Variants in XIRP2 observed in about 807,000 individuals in gnomAD.
XIRP2 encodes the protein xin actin binding repeat containing 2, also known as xin actin-binding repeat-containing protein 2.
Under a neutral mutation model 277.0 loss-of-function variants are expected in XIRP2, and 236 were observed. The ratio of observed to expected loss-of-function variants is 0.85; its 90% CI spans 0.77 to 0.95. The LOEUF (loss-of-function observed/expected upper bound fraction) is 0.95, where lower values mean the gene tolerates loss of function less well. XIRP2 is among the 40% of genes least tolerant of loss of function. The probability of loss-of-function intolerance (pLI) is 0.00; values close to 1 mark genes in which losing one functional copy is unlikely to be tolerated. For missense variants in XIRP2, 4,640 were observed against 4,157.5 expected (o/e 1.12, Z -3.19); for synonymous variants, 1,490 against 1,416.5 (o/e 1.05, Z -1.17).
At chr2:167,227,933 T>G (rs1412993283) in intron 5 of XIRP2, among the ~76,000 whole-genome samples, 1 of 152,172 alleles carries the variant, frequency 6.6e-6, no homozygotes, top group Admixed American at 6.6e-5. Context: ...ATGCAACCTA[T>G]ACATCTAACG....
chr2:167,059,101 C>CTTTT (rs572437575), intron 2 of XIRP2, among the ~76,000 whole-genome samples: 49 of 95,946 alleles, frequency 5.1e-4, no homozygotes, highest in African/African-American at 1.0e-3. Flanking sequence ...TTTTTTTTCT[C>CTTTT]TTTTTTTTTT....
At position 167,250,615 on chromosome 2, in the gene XIRP2, G is replaced by T; in HGVS notation, c.9223G>T (p.Ala3075Ser). The change falls in exon 9 of 11, where the codon GCC becomes TCC. Residue 3075 changes from alanine to serine, a missense_variant. Coordinates refer to ENST00000409195, the MANE Select transcript of XIRP2 (RefSeq NM_152381.6). ...TAGTGAACAGAAAGAAAATAAAATT[G>T]CCAAAGAGAAAACAGTACAGCACCA... The part of the protein sequence containing the change: ...KNSEQKENKI[A>S]KEKTVQHQVA... The T allele has an allele frequency of 6.2e-7, 1 of 1,613,122 alleles. No individual in the cohort carries two copies. The highest frequency in any genetic ancestry group is 8.5e-7 in the Non-Finnish European group (1 of 1,179,606).
At chr2:166,963,525 G>T (rs920377325) in intron 2 of XIRP2, among the ~76,000 whole-genome samples, 1 of 151,858 alleles carries the variant, frequency 6.6e-6, no homozygotes, top group Non-Finnish European at 1.5e-5. Flanking sequence ...AGACTCTTTC[G>T]TAAGGAATGG....
intron 2 of XIRP2, among the ~76,000 whole-genome samples, chr2:166,936,376 G>C (rs1030628183): frequency 1.3e-5 from 2 of 152,188 alleles, no homozygotes; most frequent in African/African-American, 4.8e-5. Flanking sequence ...TGTTCACTCT[G>C]ATGGTAGTTT....
At chr2:167,025,678 G>T (rs1045854017) in intron 2 of XIRP2, among the ~76,000 whole-genome samples, 1 of 152,076 alleles carries the variant, frequency 6.6e-6, no homozygotes, top group Non-Finnish European at 1.5e-5. Context: ...TGGTTTCAAA[G>T]AACATCTTTA....
chr2:167,096,808 T>A (rs1303991426), intron 2 of XIRP2, among the ~76,000 whole-genome samples: 1 of 152,184 alleles, frequency 6.6e-6, no homozygotes, highest in Non-Finnish European at 1.5e-5. Flanking sequence ...ATTTACGCAG[T>A]AGTCACTCAG....
chr2:167,031,018 CTTT>C (rs35008535), intron 2 of XIRP2, among the ~76,000 whole-genome samples: 1 of 144,216 alleles, frequency 6.9e-6, no homozygotes. Context: ...GCAAGCTTTG[CTTT>C]TTTTTTTTTT....
chr2:166,961,173 C>A (rs1686287290), intron 2 of XIRP2, among the ~76,000 whole-genome samples: 1 of 151,638 alleles, frequency 6.6e-6, no homozygotes, highest in East Asian at 1.9e-4. Context: ...GAGAGCACAG[C>A]CATTAACAAG....
At chr2:166,967,681 C>T (rs1246200193) in intron 2 of XIRP2, among the ~76,000 whole-genome samples, 1 of 151,904 alleles carries the variant, frequency 6.6e-6, no homozygotes, top group Non-Finnish European at 1.5e-5. Context: ...ATTACATAAA[C>T]TTACCAGGAG....
At chr2:166,954,958 A>T (rs1431513248) in intron 2 of XIRP2, among the ~76,000 whole-genome samples, 1 of 151,842 alleles carries the variant, frequency 6.6e-6, no homozygotes, top group Non-Finnish European at 1.5e-5. Context: ...GAGTTAATGC[A>T]TGCTGGGCTT....
At chr2:167,032,727 A>G (rs1688399976) in intron 2 of XIRP2, among the ~76,000 whole-genome samples, 1 of 152,220 alleles carries the variant, frequency 6.6e-6, no homozygotes, top group Non-Finnish European at 1.5e-5. Flanking sequence ...AGAAATGCAA[A>G]TCAAAACCCC....
chr2:167,113,883 C>G (rs761719620), intron 2 of XIRP2, among the ~76,000 whole-genome samples: 4 of 152,150 alleles, frequency 2.6e-5, no homozygotes, highest in Non-Finnish European at 5.9e-5. Flanking sequence ...GATCTTATTT[C>G]TCCTTCACTT....
In XIRP2 at chr2:167,246,387, C is replaced by T; in HGVS notation, c.4995C>T (p.Asn1665=). 1 of 1,613,350 alleles carries T rather than the reference C, an allele frequency of 6.2e-7. No homozygotes were observed. The highest frequency in any genetic ancestry group is 8.5e-7 in the Non-Finnish European group (1 of 1,179,684). The change falls in exon 9 of 11, where the codon AAC becomes AAT. Residue 1665 remains asparagine, a synonymous_variant. Transcript: ENST00000409195. ...GTGATGTACAACAAGCAATAAAAAACCTGTTCTCTGAGGAAAGATCTGTAA... is the reference window on the plus strand; with the variant it reads ...GTGATGTACAACAAGCAATAAAAAATCTGTTCTCTGAGGAAAGATCTGTAA... The part of the protein sequence containing the change: ...VKGDVQQAIK[N]LFSEERSVKK...
chr2:166,917,935 A>G (rs1558915677), intron 2 of XIRP2, among the ~76,000 whole-genome samples: 1 of 152,128 alleles, frequency 6.6e-6, no homozygotes, highest in Non-Finnish European at 1.5e-5. Flanking sequence ...ACTGATTTTC[A>G]TACTCTATCA....
chr2:167,038,269 T>C (rs995285235), intron 2 of XIRP2, among the ~76,000 whole-genome samples: 1 of 152,036 alleles, frequency 6.6e-6, no homozygotes, highest in African/African-American at 2.4e-5. Flanking sequence ...TACTTTCTAA[T>C]TTATATATTA....
At chr2:166,936,378 T>C (rs534342170) in intron 2 of XIRP2, among the ~76,000 whole-genome samples, 1 of 152,350 alleles carries the variant, frequency 6.6e-6, no homozygotes, top group East Asian at 1.9e-4. Flanking sequence ...TTCACTCTGA[T>C]GGTAGTTTCT....
chr2:167,151,706 C>G (rs538739323), intron 3 of XIRP2, among the ~76,000 whole-genome samples: 8 of 152,058 alleles, frequency 5.3e-5, no homozygotes, highest in Admixed American at 2.0e-4. Flanking sequence ...AATGAAAACG[C>G]TTGCTTCAAA....
chr2:167,219,269 A>C (rs1181454194), intron 5 of XIRP2, among the ~76,000 whole-genome samples: 2 of 152,218 alleles, frequency 1.3e-5, no homozygotes, highest in African/African-American at 4.8e-5. Flanking sequence ...TTTCTTTTTA[A>C]TATTACCTAA....
At chr2:167,069,251 T>A (rs1689378351) in intron 2 of XIRP2, among the ~76,000 whole-genome samples, 1 of 152,170 alleles carries the variant, frequency 6.6e-6, no homozygotes, top group Admixed American at 6.5e-5. Flanking sequence ...TGGAACACTG[T>A]GGAGCTTCTT....
Sources: gnomAD v4.1 joint callset for allele counts (sites outside exome capture counted in the v4.1 genomes callset) on GRCh38, gnomAD v4.1.1 for gene constraint, MANE v1.5 for transcripts, NCBI Gene and HGNC (gene_info 2026-07-23, HGNC 2026-07-21) for gene names.